Variants in USP3 observed in about 807,000 individuals in gnomAD.
USP3 encodes ubiquitin carboxyl-terminal hydrolase 3.
USP3 carries 20 observed loss-of-function variants against 72.3 expected under a neutral mutation model. The observed-to-expected ratio is 0.28, with a 90% CI of 0.19 to 0.40. The LOEUF is 0.40. USP3 is among the 10% of genes least tolerant of loss of function. The pLI, the probability that USP3 is intolerant of heterozygous loss-of-function variation, is 1.00. For missense variants in USP3, 479 were observed against 633.9 expected (o/e 0.76, Z 2.62); for synonymous variants, 222 against 225.3 (o/e 0.99, Z 0.13).
intron 8 of USP3, among the ~76,000 whole-genome samples, chr15:63,564,391 CTAA>C (rs1451331366): frequency 3.9e-5 from 6 of 152,072 alleles, no homozygotes; most frequent in Admixed American, 3.3e-4. Flanking sequence ...GTGGAGTTGG[CTAA>C]TAATAGATTT....
At chr15:63,530,269 G>C (rs1010047519) in intron 1 of USP3, among the ~76,000 whole-genome samples, 1 of 136,302 alleles carries the variant, frequency 7.3e-6, no homozygotes, top group Non-Finnish European at 1.5e-5. Context: ...CTCCCTCCCT[G>C]CCTCCCTCCC....
In USP3 at chr15:63,529,115, C is replaced by T; in HGVS notation, c.92-3532C>T. The T allele has an allele frequency of 8.3e-7, 1 of 1,204,612 alleles. No homozygotes were observed. Among genetic ancestry groups the T allele is most frequent in the Non-Finnish European group, 1.1e-6 (1 of 911,752 alleles). 74.6% of individuals were successfully genotyped at this position (1,204,612 alleles called of 1,614,324 possible). On this transcript the variant is annotated intron_variant, in intron 1 of 14. Transcript: ENST00000380324. This position sits in a 1 kb window ranked among gnomAD's most constrained non-coding sequence, Gnocchi z 4.2. ...CTAGGCTCAAGTGATTCTTCTGCCT[C>T]AGCCTCCCAAGTAGCTGGGACTACA...
chr15:63,582,873 G>A (rs1475180914), intron 11 of USP3, among the ~76,000 whole-genome samples: 2 of 151,676 alleles, frequency 1.3e-5, no homozygotes, highest in East Asian at 4.0e-4. Flanking sequence ...CAAGAGAGCA[G>A]TCTAGTATTT....
intron 3 of USP3, among the ~76,000 whole-genome samples, chr15:63,537,782 T>C (rs1595725372): frequency 6.6e-6 from 1 of 151,824 alleles, no homozygotes; most frequent in Non-Finnish European, 1.5e-5. Flanking sequence ...GCCTCCCGGG[T>C]TCAAGCAACT....
At chr15:63,557,641 A>G (rs973655962) in intron 5 of USP3, among the ~76,000 whole-genome samples, 61 of 152,170 alleles carry the variant, frequency 4.0e-4, no homozygotes, top group Non-Finnish European at 1.6e-4. Context: ...GCAGCTTTTC[A>G]AGATTCATAT....
Position 63,592,092 on chromosome 15 carries a change from T to A in USP3, c.*1266T>A, listed in dbSNP as rs1216058654. 1 of 152,074 alleles carries A rather than the reference T, an allele frequency of 6.6e-6. No homozygotes were observed. Among genetic ancestry groups the A allele is most frequent in the Non-Finnish European group, 1.5e-5 (1 of 68,020 alleles). 9.4% of individuals were successfully genotyped at this position (152,074 alleles called of 1,614,324 possible). ...ACACCTGGCTAATTTTTTTTTTGTA[T>A]TTTTAGTAAAGACGGGGGTTTACCA... On this transcript the variant is annotated 3_prime_UTR_variant, in exon 15 of 15. Coordinates refer to ENST00000380324, the MANE Select transcript of USP3 (RefSeq NM_006537.4).
intron 3 of USP3, among the ~76,000 whole-genome samples, chr15:63,551,044 C>A (rs1043833693): frequency 6.6e-6 from 1 of 152,158 alleles, no homozygotes; most frequent in Non-Finnish European, 1.5e-5. Context: ...TGGCCACTTA[C>A]AAGCTCAAGT....
In USP3 at chr15:63,553,826, G is replaced by T. The variant is rs371496273; in HGVS notation, c.368+28G>T. 1 of 1,593,452 alleles carries T rather than the reference G, an allele frequency of 6.3e-7. No individual in the cohort carries two copies. ...AAGTAATAGGCCTTTGGAAAAAGAA[G>T]GGCCTAAGAATGGGGTTGAGGAGTC... On this transcript the variant is annotated intron_variant, in intron 4 of 14. Coordinates refer to ENST00000380324, the MANE Select transcript of USP3 (RefSeq NM_006537.4). This position sits in a 1 kb window ranked among gnomAD's most constrained non-coding sequence, Gnocchi z 4.2.
At chr15:63,559,634 T>TTTTTG (rs2066571584) in intron 6 of USP3, among the ~76,000 whole-genome samples, 2 of 152,192 alleles carry the variant, frequency 1.3e-5, no homozygotes, top group Non-Finnish European at 2.9e-5. Flanking sequence ...CAGCTCTTTG[T>TTTTTG]TTTTTGTTTT....
At chr15:63,536,885 A>C (rs1280022495) in intron 2 of USP3, 140 bp from the exon 3 acceptor site, 1 of 897,052 alleles carries the variant, frequency 1.1e-6, no homozygotes. Flanking sequence ...TTAAGTATTC[A>C]GTATAATAAA....
chr15:63,588,855 C>G lies in USP3; in HGVS notation c.1329+40C>G, dbSNP rs367715752. 1.2e-6 allele frequency: 2 copies of G among 1,610,806 alleles called. No homozygotes were observed. The highest frequency in any genetic ancestry group is 1.7e-6 in the Non-Finnish European group (2 of 1,177,152). On this transcript the variant is annotated intron_variant, in intron 13 of 14. Coordinates refer to ENST00000380324, the MANE Select transcript of USP3 (RefSeq NM_006537.4). The surrounding 1 kb of genome is among the most constrained non-coding windows in gnomAD (Gnocchi z 4.6). Reference sequence around the variant, plus strand: ...TTTTTAGCATGGTGAAAAAATGGCTCTTCAGTAAGATTGTCATCACATGGA... The same window carrying G: ...TTTTTAGCATGGTGAAAAAATGGCTGTTCAGTAAGATTGTCATCACATGGA...
At chr15:63,573,785 G>A (rs2066817930) in intron 9 of USP3, among the ~76,000 whole-genome samples, 1 of 152,206 alleles carries the variant, frequency 6.6e-6, no homozygotes, top group Non-Finnish European at 1.5e-5. Context: ...ATAGCAAATG[G>A]CCAGTGTTAG....
At chr15:63,520,908 C>G (rs1367626580) in intron 1 of USP3, among the ~76,000 whole-genome samples, 1 of 152,012 alleles carries the variant, frequency 6.6e-6, no homozygotes, top group Non-Finnish European at 1.5e-5. Flanking sequence ...TTTTATTTTG[C>G]TTTTTGAGTA....
rs2067134330 is a variant in USP3 at position 63,589,118 on chromosome 15, A to ATAAAG, written c.1397+110_1397+114dup. 3.1e-6 allele frequency: 4 copies of ATAAAG among 1,307,966 alleles called. No individual in the cohort carries two copies. The East Asian group carries it at 6.9e-5, about 23-fold the overall frequency. The allele number at this position is 1,307,966 out of a possible 1,614,324, so 81.0% of individuals were successfully genotyped here. ...AGTTCTTCCTAAAAAATGGATTCAG[A>ATAAAG]TAAAGTAGGTGAAATTTCCTTCAGT... On this transcript the variant is annotated intron_variant, in intron 14 of 14. Transcript: ENST00000380324.
At chr15:63,562,793 A>G (rs891993617) in intron 7 of USP3, 102 bp from the exon 8 acceptor site, 15 of 640,654 alleles carry the variant, frequency 2.3e-5, no homozygotes, top group Non-Finnish European at 3.2e-5. Context: ...ATCCTTTTTA[A>G]GTGTTCATTT....
chr15:63,511,258 C>G (rs1219205339), intron 1 of USP3, among the ~76,000 whole-genome samples: 2 of 2,298 alleles, frequency 8.7e-4, no homozygotes, highest in Non-Finnish European at 0.011. Flanking sequence ...TTTTAGCTTG[C>G]TTTTTCTTAA....
At chr15:63,559,290 C>G (rs1388109674) in intron 6 of USP3, among the ~76,000 whole-genome samples, 3 of 152,136 alleles carry the variant, frequency 2.0e-5, no homozygotes, top group African/African-American at 7.2e-5. Flanking sequence ...TTGAAAGTTG[C>G]ATACTTTTAG....
chr15:63,579,665 C>T (rs2066920371), intron 11 of USP3, among the ~76,000 whole-genome samples: 1 of 151,992 alleles, frequency 6.6e-6, no homozygotes, highest in African/African-American at 2.4e-5. Context: ...TAAGCCAGAA[C>T]CTATAATGGG....
chr15:63,587,051 C>G (rs969564831), intron 11 of USP3, among the ~76,000 whole-genome samples: 1 of 152,130 alleles, frequency 6.6e-6, no homozygotes, highest in African/African-American at 2.4e-5. Context: ...AACTTGAGTA[C>G]AGAGACAAGA....
Sources: allele counts gnomAD v4.1 joint callset (sites outside exome capture counted in the v4.1 genomes callset), GRCh38; gene constraint gnomAD v4.1.1; non-coding constraint Gnocchi (gnomAD v3.1); transcripts MANE v1.5; gene names NCBI Gene and HGNC (gene_info 2026-07-23, HGNC 2026-07-21).